TMTC1: variants seen among roughly 807,000 people sequenced by gnomAD.
TMTC1 encodes protein O-mannosyl-transferase TMTC1.
A neutral mutation model predicts 104.8 loss-of-function variants in TMTC1; 73 were observed. The observed-to-expected ratio is 0.70, with a 90% CI of 0.58 to 0.85. The LOEUF (loss-of-function observed/expected upper bound fraction) is 0.85. TMTC1 is among the 40% of genes least tolerant of loss of function. The pLI is 0.00. For missense variants in TMTC1, 1,035 were observed against 1,096.1 expected (o/e 0.94, Z 0.79); for synonymous variants, 434 against 428.7 (o/e 1.01, Z -0.15).
intron 7 of TMTC1, among the ~76,000 whole-genome samples, chr12:29,598,768 A>G (rs1946478218): frequency 6.6e-6 from 1 of 152,138 alleles, no homozygotes; most frequent in Non-Finnish European, 1.5e-5. Context: ...TGATTTTTGT[A>G]AGTTAATTTT....
intron 5 of TMTC1, among the ~76,000 whole-genome samples, chr12:29,717,750 A>T (rs886080080): frequency 4.6e-5 from 7 of 152,202 alleles, no homozygotes; most frequent in Non-Finnish European, 1.0e-4. Flanking sequence ...TTTAGTAATT[A>T]TTAAGGGAAT....
chr12:29,704,531 A>T (rs1245291568), intron 5 of TMTC1, among the ~76,000 whole-genome samples: 1 of 152,246 alleles, frequency 6.6e-6, no homozygotes, highest in Non-Finnish European at 1.5e-5. Flanking sequence ...TACTATGATG[A>T]GTGGCAATCA....
At chr12:29,619,690 G>A (rs1324975732) in intron 6 of TMTC1, among the ~76,000 whole-genome samples, 1 of 152,134 alleles carries the variant, frequency 6.6e-6, no homozygotes, top group Non-Finnish European at 1.5e-5. Flanking sequence ...TCTAAAGTCT[G>A]GAGCTTTAGG....
At chr12:29,720,990 C>T (rs537673101) in intron 5 of TMTC1, among the ~76,000 whole-genome samples, 1 of 152,108 alleles carries the variant, frequency 6.6e-6, no homozygotes, top group Admixed American at 6.6e-5. Context: ...AGACAGAACA[C>T]TGGCTTCAAT....
rs112912418 is a variant in TMTC1, at chr12:29,605,900, C to T, written c.1129-1601G>A. Among the ~76,000 whole-genome samples the T allele has an allele frequency of 3.2e-3, 481 of 152,224 alleles. 2 individuals are homozygous for T. The highest frequency in any genetic ancestry group is 0.011 in the African/African-American group (455 of 41,538). On this transcript the variant is annotated intron_variant, in intron 6 of 17. Transcript: ENST00000539277. ...TTCAGAGTCTCCAATGTCTATTGTT[C>T]CCGTCTTTACGTCTGTGTGTACCCA... is the stretch of plus-strand genomic sequence containing the variant.
At chr12:29,682,871 GCATAGAACTATACACA>G (rs1940966124) in intron 5 of TMTC1, among the ~76,000 whole-genome samples, 1 of 152,094 alleles carries the variant, frequency 6.6e-6, no homozygotes, top group Non-Finnish European at 1.5e-5. Context: ...TGATAAAATG[GCATAGAACTATACACA>G]CATATTGCAT....
intron 6 of TMTC1, among the ~76,000 whole-genome samples, chr12:29,620,055 A>G (rs540988782): frequency 6.6e-6 from 1 of 152,336 alleles, no homozygotes; most frequent in South Asian, 2.1e-4. Flanking sequence ...AAGAAAAGGC[A>G]GTCAATTGGA....
Position 29,505,063 on chromosome 12 carries a change from T to C in TMTC1, c.*1783A>G, listed in dbSNP as rs1320845478. ...GGTAACATATACATTCTTGGATTACTGTTGCACACAAAGAGATGCATGCTA... is the reference window on the plus strand; with the variant it reads ...GGTAACATATACATTCTTGGATTACCGTTGCACACAAAGAGATGCATGCTA... On this transcript the variant is annotated 3_prime_UTR_variant, in exon 18 of 18. Transcript: ENST00000539277. 1 of 152,250 alleles carries C rather than the reference T, an allele frequency of 6.6e-6. No individual in the cohort carries two copies. The highest frequency in any genetic ancestry group is 6.5e-5 in the Admixed American group (1 of 15,288). 9.4% of individuals were successfully genotyped at this position (152,250 alleles called of 1,614,324 possible). A position where few individuals can be genotyped will look rare whatever the true frequency, so the allele number is the denominator to read the frequency against.
At chr12:29,643,955 T>G (rs1281405476) in intron 5 of TMTC1, among the ~76,000 whole-genome samples, 3 of 113,212 alleles carry the variant, frequency 2.6e-5, no homozygotes, top group Admixed American at 2.6e-4. Context: ...AAATATATAT[T>G]TATATATACT....
chr12:29,661,811 T>G (rs1208158595), intron 5 of TMTC1, among the ~76,000 whole-genome samples: 1 of 152,134 alleles, frequency 6.6e-6, no homozygotes, highest in Non-Finnish European at 1.5e-5. Context: ...ATCCAGTGAA[T>G]AATTTTCTCA....
intron 7 of TMTC1, among the ~76,000 whole-genome samples, chr12:29,585,701 C>G (rs1269652369): frequency 6.6e-6 from 1 of 152,132 alleles, no homozygotes; most frequent in Non-Finnish European, 1.5e-5. Flanking sequence ...AATAGGGAAT[C>G]CTTTCCCCAT....
chr12:29,644,104 A>T lies in TMTC1; in HGVS notation c.939-10768T>A, dbSNP rs7485695. Among the ~76,000 whole-genome samples the T allele has an allele frequency of 2.3e-3, 137 of 59,588 alleles. 2 individuals are homozygous for T. The highest frequency in any genetic ancestry group is 2.7e-3 in the Non-Finnish European group (89 of 32,938). The allele number at this position is 59,588 out of a possible 152,430, so 39.1% of individuals were successfully genotyped here. ...ATATAAATATAAATATAAATATATA[A>T]ATATATATGTGTGTGTGTGTGTGTG... On this transcript the variant is annotated intron_variant, in intron 5 of 17. Transcript: ENST00000539277.
intron 1 of TMTC1, among the ~76,000 whole-genome samples, chr12:29,774,039 T>C (rs1943652858): frequency 6.6e-6 from 1 of 152,124 alleles, no homozygotes; most frequent in Non-Finnish European, 1.5e-5. Context: ...TGTGTGTGTG[T>C]GTGTGCAGGT....
intron 5 of TMTC1, among the ~76,000 whole-genome samples, chr12:29,666,875 A>G (rs1015679825): frequency 6.6e-6 from 1 of 152,224 alleles, no homozygotes; most frequent in African/African-American, 2.4e-5. Flanking sequence ...TAGAACATCA[A>G]TCTTAATTGA....
chr12:29,636,890 A>T (rs971715412), intron 5 of TMTC1, among the ~76,000 whole-genome samples: 4 of 136,428 alleles, frequency 2.9e-5, no homozygotes, highest in East Asian at 2.1e-4. Flanking sequence ...ACAAAAAATT[A>T]AAAAAAAAAA....
chr12:29,645,369 C>T lies in TMTC1; in HGVS notation c.939-12033G>A, dbSNP rs553597620. Among the ~76,000 whole-genome samples the T allele has an allele frequency of 2.3e-4, 35 of 152,198 alleles. 1 individual carries two copies. The South Asian group carries it at 4.2e-3, about 18-fold the overall frequency. ...TCAGAAACATCCTCCTGAAGCTATG[C>T]CAGCTTATTTTTTCTTATTTTGCAT... On this transcript the variant is annotated intron_variant, in intron 5 of 17. Coordinates refer to ENST00000539277, the MANE Select transcript of TMTC1 (RefSeq NM_001193451.2).
At chr12:29,552,048 G>C (rs1945120264) in intron 10 of TMTC1, among the ~76,000 whole-genome samples, 1 of 152,138 alleles carries the variant, frequency 6.6e-6, no homozygotes, top group South Asian at 2.1e-4. Flanking sequence ...ATTCAAATGA[G>C]TTGCTATAAG....
intron 9 of TMTC1, among the ~76,000 whole-genome samples, chr12:29,563,307 CTG>C (rs1315121348): frequency 5.9e-5 from 9 of 152,142 alleles, no homozygotes; most frequent in Non-Finnish European, 1.2e-4. Context: ...ATTCAAAATC[CTG>C]TGTGGTTTCT....
intron 5 of TMTC1, among the ~76,000 whole-genome samples, chr12:29,692,758 A>C (rs1941301635): frequency 6.9e-6 from 1 of 145,662 alleles, no homozygotes; most frequent in Non-Finnish European, 1.5e-5. Flanking sequence ...TTACAGGTGA[A>C]TGGATAAACA....
Sources: allele counts gnomAD v4.1 joint callset (sites outside exome capture counted in the v4.1 genomes callset), GRCh38; gene constraint gnomAD v4.1.1; transcripts MANE v1.5; gene names NCBI Gene and HGNC (gene_info 2026-07-23, HGNC 2026-07-21).